RASA2: variants seen among roughly 807,000 people sequenced by gnomAD.
The protein encoded by RASA2 is ras GTPase-activating protein 2.
In RASA2, 155 loss-of-function variants were observed where a neutral mutation model predicts 118.2. The observed-to-expected ratio is 1.31, with a 90% CI of 1.15 to 1.50. The LOEUF is 1.50. Among genes scored for constraint, RASA2 ranks in the 40% most tolerant of loss-of-function variants. RASA2 has a pLI of 0.00. For synonymous variants in RASA2, 353 were observed against 349.1 expected (o/e 1.01, Z -0.12); for missense variants, 1,016 against 1,009.6 (o/e 1.01, Z -0.09).
intron 19 of RASA2, among the ~76,000 whole-genome samples, chr3:141,604,996 A>G (rs761373022): frequency 1.3e-5 from 2 of 152,140 alleles, no homozygotes; most frequent in East Asian, 1.9e-4. Flanking sequence ...TGATAGTTCA[A>G]TGGAGTAAAC....
Position 141,608,559 on chromosome 3 carries a change from G to A in RASA2, c.2087G>A (p.Trp696Ter). 6.2e-7 allele frequency: 1 copy of A among 1,613,998 alleles called. No homozygotes were observed. The highest frequency in any genetic ancestry group is 8.5e-7 in the Non-Finnish European group (1 of 1,179,910). The change falls in exon 21 of 24, where the codon TGG becomes TAG. Residue 696 changes from tryptophan (W) to a stop codon, truncating the protein, a stop_gained. Transcript: ENST00000286364. LOFTEE classifies it high-confidence loss of function. ...QANNCVEANE[W>*]IDVLCRVSRC... Reference sequence around the variant, plus strand: ...AATAACTGTGTAGAAGCTAATGAATGGATAGACGTACTCTGCAGGGTGAGC... The same window carrying A: ...AATAACTGTGTAGAAGCTAATGAATAGATAGACGTACTCTGCAGGGTGAGC...
chr3:141,607,695 A>C lies in RASA2; in HGVS notation c.1951A>C (p.Thr651Pro). ...HKQPGKDAIY[T>P]IPVKNILAVE... ...TTATTTAGGCAAAGATGCAATCTACACAATCCCAGTAAAAAACATTCTTGC... is the reference window on the plus strand; with the variant it reads ...TTATTTAGGCAAAGATGCAATCTACCCAATCCCAGTAAAAAACATTCTTGC... Residue 651 changes from threonine to proline, a missense_variant, in exon 20 of 24, where the codon ACA becomes CCA. Around this residue, in one of 2 missense-constraint regions of RASA2, gnomAD observed 896 missense variants for 836.4 expected, o/e 1.07. Transcript: ENST00000286364. The C allele has an allele frequency of 6.3e-7, 1 of 1,597,086 alleles. No homozygotes were observed. Among genetic ancestry groups the C allele is most frequent in the Admixed American group, 1.8e-5 (1 of 56,248 alleles).
chr3:141,555,514 C>G (rs2082635848), intron 6 of RASA2, among the ~76,000 whole-genome samples: 1 of 151,684 alleles, frequency 6.6e-6, no homozygotes, highest in Non-Finnish European at 1.5e-5. Flanking sequence ...TGAAGGTGCT[C>G]TAAATCTTAT....
chr3:141,528,690 GT>G (rs1322522999), intron 3 of RASA2, among the ~76,000 whole-genome samples: 1 of 151,828 alleles, frequency 6.6e-6, no homozygotes, highest in African/African-American at 2.4e-5. Flanking sequence ...CATAGTTTGT[GT>G]TTGTTTTCCT....
At chr3:141,489,395 T>C (rs2081614204) in intron 1 of RASA2, among the ~76,000 whole-genome samples, 1 of 152,186 alleles carries the variant, frequency 6.6e-6, no homozygotes, top group African/African-American at 2.4e-5. Context: ...GGGTGGGGAC[T>C]GAGGGGTTGG....
intron 19 of RASA2, among the ~76,000 whole-genome samples, chr3:141,602,353 T>C (rs1376373557): frequency 1.3e-5 from 2 of 152,150 alleles, no homozygotes; most frequent in African/African-American, 4.8e-5. Flanking sequence ...TCATAAGGAG[T>C]GCACAACCTA....
chr3:141,517,907 G>A (rs914271552), intron 3 of RASA2, among the ~76,000 whole-genome samples: 5 of 151,774 alleles, frequency 3.3e-5, no homozygotes, highest in Middle Eastern at 3.4e-3. Context: ...TGCCCACCTC[G>A]GCCTCCCAAA....
In RASA2 at chr3:141,570,930, A is replaced by G. The variant is rs2082908209; in HGVS notation, c.882A>G (p.Arg294=). 6.2e-7 allele frequency: 1 copy of G among 1,608,392 alleles called. No individual in the cohort carries two copies. The highest frequency in any genetic ancestry group is 1.7e-5 in the Admixed American group (1 of 58,662). Reference sequence around the variant, plus strand: ...ACTTTAGGTACTTGCTACAGCCAAGAGACAATGGAAACAAGTCATCCAAAA... The same window carrying G: ...ACTTTAGGTACTTGCTACAGCCAAGGGACAATGGAAACAAGTCATCCAAAA... ...SHQAWYLLQP[R]DNGNKSSKTD... Residue 294 remains arginine, a synonymous_variant, in exon 10 of 24, where the codon AGA becomes AGG. Coordinates refer to ENST00000286364, the MANE Select transcript of RASA2 (RefSeq NM_006506.5).
At chr3:141,515,673 G>A (rs1423382080) in intron 2 of RASA2, among the ~76,000 whole-genome samples, 6 of 151,788 alleles carry the variant, frequency 4.0e-5, no homozygotes, top group African/African-American at 1.5e-4. Flanking sequence ...AGGCTGAGGC[G>A]GGTGGATTGC....
chr3:141,556,025 A>C lies in RASA2; in HGVS notation c.684+113A>C, dbSNP rs1226796137. ...ATCATTTTATCAATTAATGCAGATA[A>C]GCATTTCTCTCCTGAAAGCAGTAGA... On this transcript the variant is annotated intron_variant, in intron 7 of 23. Coordinates refer to ENST00000286364, the MANE Select transcript of RASA2 (RefSeq NM_006506.5). 7 of 803,352 alleles carry C rather than the reference A, an allele frequency of 8.7e-6. No individual in the cohort carries two copies. The African/African-American group carries it at 1.0e-4, about 12-fold the overall frequency. 49.8% of individuals were successfully genotyped at this position (803,352 alleles called of 1,614,324 possible).
chr3:141,573,879 TCATGAAG>T, intron 13 of RASA2, 58 bp from the exon 14 acceptor site: 1 of 1,351,040 alleles, frequency 7.4e-7, no homozygotes, highest in Non-Finnish European at 9.8e-7. Flanking sequence ...CATTTTTCTT[TCATGAAG>T]GCTATTGAAG....
At chr3:141,578,325 C>A (rs2083045697) in intron 15 of RASA2, among the ~76,000 whole-genome samples, 1 of 152,150 alleles carries the variant, frequency 6.6e-6, no homozygotes, top group South Asian at 2.1e-4. Context: ...ACCTCTTAGA[C>A]AGATGTTCAA....
Position 141,562,617 on chromosome 3 carries a change from G to A in RASA2, c.863+2622G>A, listed in dbSNP as rs1320270052. Among the ~76,000 whole-genome samples, 7 of 148,812 alleles carry A rather than the reference G, an allele frequency of 4.7e-5. 1 individual carries two copies. In the East Asian group the frequency reaches 6.2e-4, roughly 13 times the overall value. ...AGCCTGGGAGACAGAGCGAGACTCC[G>A]TCTCAAAAAAAGAAAACAAAAAACA... On this transcript the variant is annotated intron_variant, in intron 9 of 23. Transcript: ENST00000286364.
At chr3:141,602,077 A>G (rs902766801) in intron 19 of RASA2, among the ~76,000 whole-genome samples, 4 of 152,186 alleles carry the variant, frequency 2.6e-5, no homozygotes, top group Non-Finnish European at 5.9e-5. Flanking sequence ...ACTGCTTTGA[A>G]GTCTTAGGCT....
chr3:141,571,192 A>G (rs1577758472), intron 10 of RASA2, 124 bp downstream of exon 10: 6 of 1,105,808 alleles, frequency 5.4e-6, no homozygotes, highest in Admixed American at 5.9e-5. Context: ...ATACATACAT[A>G]TATATACACA....
chr3:141,500,641 T>C (rs1295379825), intron 1 of RASA2, among the ~76,000 whole-genome samples: 1 of 152,226 alleles, frequency 6.6e-6, no homozygotes, highest in Non-Finnish European at 1.5e-5. Flanking sequence ...GGTTCTAACA[T>C]GAGCAGTAGT....
At chr3:141,592,915 C>A (rs1008147814) in intron 19 of RASA2, among the ~76,000 whole-genome samples, 5 of 145,344 alleles carry the variant, frequency 3.4e-5, no homozygotes, top group Non-Finnish European at 6.0e-5. Context: ...GTAGAAAAAA[C>A]CAAGAGTCCT....
intron 3 of RASA2, 137 bp from the exon 4 acceptor site, chr3:141,529,571 A>G: frequency 2.0e-6 from 1 of 511,552 alleles, no homozygotes; most frequent in Non-Finnish European, 3.2e-6. Flanking sequence ...AAAATGCTTT[A>G]TAAAAATGGA....
At chr3:141,537,809 A>G (rs1365252770) in intron 4 of RASA2, among the ~76,000 whole-genome samples, 1 of 152,084 alleles carries the variant, frequency 6.6e-6, no homozygotes, top group Non-Finnish European at 1.5e-5. Flanking sequence ...CAATTCCAAT[A>G]TCTGCGTCTC....
Sources: gnomAD v4.1 joint callset for allele counts (sites outside exome capture counted in the v4.1 genomes callset) on GRCh38, gnomAD v4.1.1 for gene constraint, gnomAD v4.1.1 regional missense constraint, MANE v1.5 for transcripts, NCBI Gene and HGNC (gene_info 2026-07-23, HGNC 2026-07-21) for gene names.